Variants in PLN observed in about 807,000 individuals in gnomAD.
PLN encodes the protein phospholamban, also known as cardiac phospholamban.
A neutral mutation model predicts 3.9 loss-of-function variants in PLN; 1 was observed. The observed-to-expected ratio is 0.26, with a 90% CI of 0.09 to 1.23. The LOEUF (loss-of-function observed/expected upper bound fraction) is 1.23, where lower values mean the gene tolerates loss of function less well. Ranked by LOEUF, PLN falls within the 50% of genes most tolerant of loss-of-function variation. PLN has a pLI of 0.48. For synonymous variants in PLN, 21 were observed against 20.5 expected (o/e 1.02, Z -0.07); for missense variants, 59 against 62.7 (o/e 0.94, Z 0.20).
chr6:118,559,513 TCAC>T lies in PLN; in HGVS notation c.*436_*438del, dbSNP rs765386927. The T allele has an allele frequency of 8.5e-4, 177 of 207,658 alleles. No individual in the cohort carries two copies. Among genetic ancestry groups the T allele is most frequent in the Admixed American group, 2.7e-3 (51 of 18,718 alleles). The allele number at this position is 207,658 out of a possible 1,614,324, so 12.9% of individuals were successfully genotyped here. Reference sequence around the variant, plus strand: ...TTAATACTAAGTATTTTTCAGGTCTTCACCAAGTATCAAAGTAATAACACAAAT... The same window carrying T: ...TTAATACTAAGTATTTTTCAGGTCTTCAAGTATCAAAGTAATAACACAAAT... On this transcript the variant is annotated 3_prime_UTR_variant, in exon 2 of 2. Coordinates refer to ENST00000357525, the MANE Select transcript of PLN (RefSeq NM_002667.5).
chr6:118,554,577 C>G (rs996765834), intron 1 of PLN, among the ~76,000 whole-genome samples: 8 of 152,168 alleles, frequency 5.3e-5, no homozygotes, highest in African/African-American at 1.9e-4. Flanking sequence ...CACACAGTTT[C>G]TTTACTTCAG....
chr6:118,549,613 T>C (rs1458183762), intron 1 of PLN, among the ~76,000 whole-genome samples: 1 of 151,852 alleles, frequency 6.6e-6, no homozygotes, highest in East Asian at 1.9e-4. Context: ...ATAATTTTTG[T>C]CTACCACTGA....
At chr6:118,555,341 T>C (rs1257844896) in intron 1 of PLN, among the ~76,000 whole-genome samples, 1 of 148,356 alleles carries the variant, frequency 6.7e-6, no homozygotes, top group African/African-American at 2.5e-5. Context: ...GGCAGGAGAA[T>C]GGCGTGAACC....
chr6:118,554,215 G>T (rs533500745), intron 1 of PLN, among the ~76,000 whole-genome samples: 1 of 152,228 alleles, frequency 6.6e-6, no homozygotes, highest in Admixed American at 6.5e-5. Context: ...TAGAGCCTGG[G>T]AAGTTGAGGT....
rs977849764 is a variant in PLN, at chr6:118,550,837, A to G, written c.-98+2445A>G. 2.0e-5 allele frequency among the ~76,000 whole-genome samples: 3 copies of G among 152,064 alleles called. No individual in the cohort carries two copies. In the East Asian group the frequency reaches 5.8e-4, roughly 29 times the overall value. On this transcript the variant is annotated intron_variant, in intron 1 of 1. Coordinates refer to ENST00000357525, the MANE Select transcript of PLN (RefSeq NM_002667.5). ...AATTAAAAGCCATTCCACTCCATTTAAATTCAATTTATGCATAGCATTACA... is the reference window on the plus strand; with the variant it reads ...AATTAAAAGCCATTCCACTCCATTTGAATTCAATTTATGCATAGCATTACA...
At chr6:118,555,080 T>C (rs1778773098) in intron 1 of PLN, among the ~76,000 whole-genome samples, 1 of 152,216 alleles carries the variant, frequency 6.6e-6, no homozygotes, top group Admixed American at 6.5e-5. Flanking sequence ...CAAATAGGAA[T>C]TACCAAGTCT....
chr6:118,551,003 A>G lies in PLN; in HGVS notation c.-98+2611A>G, dbSNP rs577497213. Among the ~76,000 whole-genome samples, 10 of 151,936 alleles carry G rather than the reference A, an allele frequency of 6.6e-5. No individual in the cohort carries two copies. In the South Asian group the frequency reaches 2.1e-3, roughly 32 times the overall value. On this transcript the variant is annotated intron_variant, in intron 1 of 1. Transcript: ENST00000357525. ...CTGCACAGACTTTAAAAAAAATAAC[A>G]CACCCCAATCAATCAAAGTTTCCTT...
chr6:118,558,731 G>A (rs1356124499), intron 1 of PLN, 94 bp from the exon 2 acceptor site: 2 of 621,522 alleles, frequency 3.2e-6, no homozygotes, highest in East Asian at 2.8e-5. Flanking sequence ...TAACAATAGT[G>A]CTGAGGAAGA....
intron 1 of PLN, among the ~76,000 whole-genome samples, chr6:118,556,610 C>T (rs913138123): frequency 6.6e-6 from 1 of 152,070 alleles, no homozygotes; most frequent in African/African-American, 2.4e-5. Context: ...CAGGAATGGG[C>T]TAACAGGTTG....
At chr6:118,553,252 G>A (rs1778659351) in intron 1 of PLN, among the ~76,000 whole-genome samples, 2 of 148,160 alleles carry the variant, frequency 1.3e-5, no homozygotes, top group African/African-American at 4.9e-5. Flanking sequence ...TACAGTGGTT[G>A]TCAGTGCAGA....
intron 1 of PLN, among the ~76,000 whole-genome samples, chr6:118,548,985 C>A (rs1778372964): frequency 6.6e-6 from 1 of 151,916 alleles, no homozygotes; most frequent in Non-Finnish European, 1.5e-5. Context: ...AAAGTCCAGT[C>A]AACTTTTAAC....
At chr6:118,553,593 G>T (rs576900751) in intron 1 of PLN, among the ~76,000 whole-genome samples, 1 of 152,232 alleles carries the variant, frequency 6.6e-6, no homozygotes, top group African/African-American at 2.4e-5. Flanking sequence ...ATAACTTTAG[G>T]ATTATGGCAT....
At chr6:118,558,654 CACACACAG>C (rs1466235777) in intron 1 of PLN, among the ~76,000 whole-genome samples, 163 bp from the exon 2 acceptor site, 135 of 131,618 alleles carry the variant, frequency 1.0e-3, no homozygotes, top group African/African-American at 3.7e-3. Flanking sequence ...CACACACACA[CACACACAG>C]AGAGAGAGAG....
chr6:118,557,912 A>G (rs925245343), intron 1 of PLN, among the ~76,000 whole-genome samples: 5 of 151,334 alleles, frequency 3.3e-5, no homozygotes, highest in African/African-American at 1.2e-4. Flanking sequence ...ATAGACCACC[A>G]CAACCACTGT....
intron 1 of PLN, among the ~76,000 whole-genome samples, chr6:118,557,410 T>C (rs1778941497): frequency 6.6e-6 from 1 of 152,206 alleles, no homozygotes; most frequent in Non-Finnish European, 1.5e-5. Flanking sequence ...TTAAACCAAA[T>C]ACAGCAGGTC....
chr6:118,558,845 T>C lies in PLN; in HGVS notation c.-77T>C. Reference sequence around the variant, plus strand: ...TCCAGGCTACCTAAAAGAAGACAGTTATCTCATATTTGGCTGCCAGCTTTT... The same window carrying C: ...TCCAGGCTACCTAAAAGAAGACAGTCATCTCATATTTGGCTGCCAGCTTTT... On this transcript the variant is annotated 5_prime_UTR_variant, in exon 2 of 2. Transcript: ENST00000357525. 1.0e-6 allele frequency: 1 copy of C among 965,730 alleles called. No individual in the cohort carries two copies. Among genetic ancestry groups the C allele is most frequent in the South Asian group, 1.3e-5 (1 of 76,120 alleles). The allele number at this position is 965,730 out of a possible 1,614,324, so 59.8% of individuals were successfully genotyped here. A position where few individuals can be genotyped will look rare whatever the true frequency, so the allele number is the denominator to read the frequency against.
In PLN at chr6:118,560,093, TA is replaced by T. The variant is rs1343404684; in HGVS notation, c.*1014del. On this transcript the variant is annotated 3_prime_UTR_variant, in exon 2 of 2. Transcript: ENST00000357525. ...TATTATCTCAAGTATTTTTTAAAAATATATGAATTCTCTCTCCAAATATTAA... is the reference window on the plus strand; with the variant it reads ...TATTATCTCAAGTATTTTTTAAAAATTATGAATTCTCTCTCCAAATATTAA... 6.0e-6 allele frequency: 1 copy of T among 167,028 alleles called. No homozygotes were observed. The highest frequency in any genetic ancestry group is 2.4e-5 in the African/African-American group (1 of 41,428). The allele number at this position is 167,028 out of a possible 1,614,324, so 10.3% of individuals were successfully genotyped here.
chr6:118,554,369 A>G (rs1778727482), intron 1 of PLN, among the ~76,000 whole-genome samples: 1 of 151,994 alleles, frequency 6.6e-6, no homozygotes, highest in African/African-American at 2.4e-5. Context: ...CTGGTCTCGA[A>G]CTCCTGGGCT....
chr6:118,554,678 T>C (rs1028175152), intron 1 of PLN, among the ~76,000 whole-genome samples: 4 of 152,190 alleles, frequency 2.6e-5, no homozygotes, highest in Admixed American at 6.5e-5. Context: ...ACTAAAGCCC[T>C]ATTAAAAACC....
Sources: gnomAD v4.1 joint callset for allele counts (sites outside exome capture counted in the v4.1 genomes callset) on GRCh38, gnomAD v4.1.1 for gene constraint, MANE v1.5 for transcripts, NCBI Gene and HGNC (gene_info 2026-07-23, HGNC 2026-07-21) for gene names.